The following ENOX2 variants were observed in gnomAD, a reference collection of about 807,000 sequenced individuals.
The protein encoded by ENOX2 is APK1 antigen.
Under a neutral mutation model 45.0 loss-of-function variants are expected in ENOX2, and 36 were observed. The observed-to-expected ratio is 0.80, with a 90% CI of 0.61 to 1.06. The LOEUF (loss-of-function observed/expected upper bound fraction) is 1.06. Among genes scored for constraint, ENOX2 ranks in the 50% least tolerant of loss-of-function variants. The pLI, the probability that ENOX2 is intolerant of heterozygous loss-of-function variation, is 0.00. For missense variants in ENOX2, 423 were observed against 462.5 expected, an observed-to-expected ratio of 0.91 and a Z score of 0.78; for synonymous variants, 174 against 152.3, an observed-to-expected ratio of 1.14 and a Z score of -1.05.
chrX:130,853,518 C>T (rs2078257546), intron 2 of ENOX2, among the ~76,000 whole-genome samples: 1 of 104,705 alleles, frequency 9.6e-6, no homozygotes, highest in African/African-American at 3.5e-5. Flanking sequence ...AGTCAAAGGA[C>T]CAAGAAGGGG....
At chrX:130,677,947 C>T (rs1205464302) in intron 6 of ENOX2, among the ~76,000 whole-genome samples, 1 of 109,043 alleles carries the variant, frequency 9.2e-6, no homozygotes, top group Non-Finnish European at 1.9e-5. Context: ...ATTAGCCGGG[C>T]GTGGTGGCAG....
intron 3 of ENOX2, among the ~76,000 whole-genome samples, chrX:130,767,680 AAC>A (rs2039648944): frequency 8.9e-6 from 1 of 112,279 alleles, no homozygotes; most frequent in South Asian, 3.7e-4. Context: ...TGCTAATTTG[AAC>A]ACAGGAGAAT....
chrX:130,726,616 C>T (rs1309415339), intron 3 of ENOX2, among the ~76,000 whole-genome samples: 3 of 112,537 alleles, frequency 2.7e-5, no homozygotes, highest in Admixed American at 1.9e-4. Flanking sequence ...ACTTGGCCTG[C>T]ACTCTGCCAG....
At chrX:130,649,043 C>CAAAAAAAAAA (rs35154919) in intron 10 of ENOX2, among the ~76,000 whole-genome samples, 3 of 6,796 alleles carry the variant, frequency 4.4e-4, no homozygotes, top group Non-Finnish European at 1.1e-3. Context: ...GACTCCATAT[C>CAAAAAAAAAA]AAAAAAAAAA....
chrX:130,701,676 G>T (rs1389197795), intron 4 of ENOX2, among the ~76,000 whole-genome samples: 1 of 111,414 alleles, frequency 9.0e-6, no homozygotes, highest in Admixed American at 9.6e-5. Flanking sequence ...AAAGAAACAG[G>T]CTTGGAAGCC....
chrX:130,629,970 C>G (rs185779864), intron 13 of ENOX2, among the ~76,000 whole-genome samples: 12 of 112,229 alleles, frequency 1.1e-4, no homozygotes, highest in African/African-American at 3.2e-4. Flanking sequence ...AGGCACTATG[C>G]TAAGTGATTT....
At chrX:130,727,446 G>A (rs1344701926) in intron 3 of ENOX2, among the ~76,000 whole-genome samples, 1 of 112,068 alleles carries the variant, frequency 8.9e-6, no homozygotes, top group African/African-American at 3.2e-5. Context: ...AAGAGATGAA[G>A]GTTCAACGTG....
At chrX:130,654,162 T>C (rs2036480096) in intron 10 of ENOX2, among the ~76,000 whole-genome samples, 1 of 112,111 alleles carries the variant, frequency 8.9e-6, no homozygotes, top group South Asian at 3.7e-4. Context: ...GATAATGAAA[T>C]AATTTTACAC....
chrX:130,748,518 G>GTTGTGTC (rs1034004314), intron 3 of ENOX2, among the ~76,000 whole-genome samples: 2 of 111,519 alleles, frequency 1.8e-5, no homozygotes, highest in African/African-American at 6.5e-5. Context: ...TCACTTACTA[G>GTTGTGTC]ACTATTACAA....
Position 130,792,850 on chromosome X carries a change from G to C in ENOX2, c.-182-9160C>G, listed in dbSNP as rs143751230. ...AGAAAGAAAAAAAGTGAAAAGTTCAGTTGCTCAGTTGCACTAATCACATTT... is the reference window on the plus strand; with the variant it reads ...AGAAAGAAAAAAAGTGAAAAGTTCACTTGCTCAGTTGCACTAATCACATTT... On this transcript the variant is annotated intron_variant, in intron 2 of 14. Transcript: ENST00000394363. 3.1e-3 allele frequency among the ~76,000 whole-genome samples: 350 copies of C among 112,553 alleles called. 1 individual carries two copies. The highest frequency in any genetic ancestry group is 0.011 in the African/African-American group (326 of 31,027).
chrX:130,891,217 A>T (rs1349173883), intron 2 of ENOX2, among the ~76,000 whole-genome samples: 10 of 109,873 alleles, frequency 9.1e-5, no homozygotes, highest in Admixed American at 3.9e-4. Flanking sequence ...TTTTTTTTTT[A>T]AAAGAAATAC....
intron 2 of ENOX2, among the ~76,000 whole-genome samples, chrX:130,900,975 A>G (rs1288664354): frequency 1.8e-5 from 2 of 112,353 alleles, no homozygotes; most frequent in Non-Finnish European, 3.8e-5. Context: ...AAATACATCC[A>G]AAGTGCTATC....
intron 4 of ENOX2, among the ~76,000 whole-genome samples, chrX:130,701,643 C>T (rs763253144): frequency 9.0e-6 from 1 of 111,321 alleles, no homozygotes; most frequent in East Asian, 2.8e-4. Flanking sequence ...AGAAGATACA[C>T]AACTGCTCGA....
chrX:130,713,418 G>A (rs2038243976), intron 3 of ENOX2, among the ~76,000 whole-genome samples: 1 of 111,535 alleles, frequency 9.0e-6, no homozygotes, highest in Non-Finnish European at 1.9e-5. Context: ...GTTAAGGTTG[G>A]ACCCAGGGGT....
chrX:130,631,444 G>A (rs774900142), intron 13 of ENOX2, 24 bp downstream of exon 13: 2 of 856,368 alleles, frequency 2.3e-6, no homozygotes, highest in African/African-American at 2.0e-5. Flanking sequence ...ATTGTACGTG[G>A]CATGTGTGCA....
In ENOX2 at chrX:130,699,571, T is replaced by TA. The variant is rs1032221418; in HGVS notation, c.97+3548_97+3549insT. ...CAGGCAACAGCTCCATGAGGCTTATTTGCTGCCTTTTCCATTTTAAGAAAT... is the reference window on the plus strand; with the variant it reads ...CAGGCAACAGCTCCATGAGGCTTATTATGCTGCCTTTTCCATTTTAAGAAAT... On this transcript the variant is annotated intron_variant, in intron 4 of 14. Transcript: ENST00000394363. 3.6e-5 allele frequency among the ~76,000 whole-genome samples: 4 copies of TA among 111,495 alleles called. No individual in the cohort carries two copies. In the Admixed American group the frequency reaches 3.8e-4, roughly 11 times the overall value.
intron 3 of ENOX2, among the ~76,000 whole-genome samples, chrX:130,742,660 A>C (rs1177373646): frequency 8.9e-6 from 1 of 111,755 alleles, no homozygotes; most frequent in African/African-American, 3.3e-5. Flanking sequence ...ACTGTATATA[A>C]ACTGTCCCAT....
chrX:130,833,244 T>A (rs191429278), intron 2 of ENOX2, among the ~76,000 whole-genome samples: 7 of 111,526 alleles, frequency 6.3e-5, no homozygotes, highest in Non-Finnish European at 1.3e-4. Flanking sequence ...TACTTTCCAT[T>A]CCTTTTCTTC....
At chrX:130,891,946 AAT>A (rs1395102478) in intron 2 of ENOX2, among the ~76,000 whole-genome samples, 3 of 111,919 alleles carry the variant, frequency 2.7e-5, no homozygotes, top group Middle Eastern at 4.6e-3. Context: ...GAATTTCTTG[AAT>A]TCTGTCTTAT....
Sources: allele counts gnomAD v4.1 joint callset (sites outside exome capture counted in the v4.1 genomes callset), GRCh38; gene constraint gnomAD v4.1.1; transcripts MANE v1.5; gene names NCBI Gene and HGNC (gene_info 2026-07-23, HGNC 2026-07-21).